KLB: variants seen among roughly 807,000 people sequenced by gnomAD.
KLB encodes the protein beta-klotho.
KLB carries 44 observed loss-of-function variants against 88.4 expected under a neutral mutation model. That is an observed-to-expected ratio of 0.50 (90% confidence interval 0.39 to 0.64). KLB has a LOEUF of 0.64. Ranked by LOEUF, KLB falls within the 30% of genes least tolerant of loss-of-function variation. KLB has a pLI of 0.00. For missense variants in KLB, 1,137 were observed against 1,304.8 expected (o/e 0.87, Z 1.98); for synonymous variants, 548 against 513.4 (o/e 1.07, Z -0.91).
intron 3 of KLB, among the ~76,000 whole-genome samples, chr4:39,442,177 G>A (rs1396069998): frequency 6.6e-6 from 1 of 152,092 alleles, no homozygotes; most frequent in East Asian, 1.9e-4. Context: ...CCGGGAGGAA[G>A]GTTGCAGTGA....
chr4:39,447,993 T>C (rs1323544538), intron 4 of KLB, among the ~76,000 whole-genome samples: 1 of 152,216 alleles, frequency 6.6e-6, no homozygotes, highest in East Asian at 1.9e-4. Context: ...GTTTTTCTGC[T>C]TGTGACCCTT....
intron 1 of KLB, among the ~76,000 whole-genome samples, chr4:39,416,412 CT>C (rs1253991314): frequency 6.6e-6 from 1 of 151,996 alleles, no homozygotes; most frequent in Non-Finnish European, 1.5e-5. Flanking sequence ...CTAAAAAAAA[CT>C]TTTTTTAAAT....
intron 1 of KLB, 103 bp from the exon 2 acceptor site, chr4:39,434,107 C>A: frequency 9.0e-7 from 1 of 1,110,422 alleles, no homozygotes; most frequent in Non-Finnish European, 1.3e-6. Flanking sequence ...CCCTGAATCA[C>A]TGTACGCTGC....
chr4:39,432,765 C>T (rs2109834393), intron 1 of KLB, among the ~76,000 whole-genome samples: 1 of 152,244 alleles, frequency 6.6e-6, no homozygotes, highest in Non-Finnish European at 1.5e-5. Flanking sequence ...ATGCAAACTC[C>T]AGGAGGACCA....
Position 39,407,750 on chromosome 4 carries a change from C to T in KLB, c.801C>T (p.Tyr267=). 1 of 1,595,526 alleles carries T rather than the reference C, an allele frequency of 6.3e-7. No individual in the cohort carries two copies. Among genetic ancestry groups the T allele is most frequent in the Non-Finnish European group, 8.6e-7 (1 of 1,165,916 alleles). Residue 267 remains tyrosine, a synonymous_variant, in exon 1 of 5, where the codon TAC becomes TAT. Coordinates refer to ENST00000257408, the MANE Select transcript of KLB (RefSeq NM_175737.4). The part of the protein sequence containing the change: ...PGEKGNLAAV[Y]TVGHNLIKAH... ...AGAAGGGAAATTTAGCAGCTGTCTA[C>T]ACTGTGGGACACAACTTGATCAAGG...
In KLB at chr4:39,434,506, T is replaced by G; in HGVS notation, c.1122T>G (p.Phe374Leu). 6.2e-7 allele frequency: 1 copy of G among 1,614,194 alleles called. No individual in the cohort carries two copies. The highest frequency in any genetic ancestry group is 8.5e-7 in the Non-Finnish European group (1 of 1,180,020). Residue 374 changes from phenylalanine (F) to leucine (L), a missense_variant, in exon 2 of 5, where the codon TTT (phenylalanine) becomes TTG (leucine). This residue lies in a region of KLB where 597 missense variants were observed against 765.2 expected (regional missense o/e 0.78). Transcript: ENST00000257408. ...CAGCTGATTTCTTTGCCTTTTCTTT[T>G]GGACCCAACAACTTCAAGCCCCTAA... is the stretch of plus-strand genomic sequence containing the variant. ...RGTADFFAFS[F>L]GPNNFKPLNT...
chr4:39,444,212 CA>C (rs1743684701), intron 3 of KLB, among the ~76,000 whole-genome samples: 1 of 152,168 alleles, frequency 6.6e-6, no homozygotes, highest in Admixed American at 6.5e-5. Flanking sequence ...TTGCCTTAAT[CA>C]TTACTTTGTA....
At chr4:39,441,428 A>G (rs1743593903) in intron 3 of KLB, among the ~76,000 whole-genome samples, 1 of 152,184 alleles carries the variant, frequency 6.6e-6, no homozygotes, top group South Asian at 2.1e-4. Context: ...AGGAGATATA[A>G]GAGTTTCTTT....
At position 39,451,425 on chromosome 4, in the gene KLB, T is replaced by A. The variant is rs1352255914; in HGVS notation, c.*2739T>A. Reference sequence around the variant, plus strand: ...ACAACCTGGAGAATCACAACTATATTTAAAGAGCCTCTGGAAAATGAGGCC... The same window carrying A: ...ACAACCTGGAGAATCACAACTATATATAAAGAGCCTCTGGAAAATGAGGCC... On this transcript the variant is annotated 3_prime_UTR_variant, in exon 5 of 5. Transcript: ENST00000257408. 1 of 152,214 alleles carries A rather than the reference T, an allele frequency of 6.6e-6. No individual in the cohort carries two copies. Among genetic ancestry groups the A allele is most frequent in the African/African-American group, 2.4e-5 (1 of 41,456 alleles). The allele number at this position is 152,214 out of a possible 1,614,324, so 9.4% of individuals were successfully genotyped here.
Position 39,448,359 on chromosome 4 carries a change from G to A in KLB, c.2808G>A (p.Glu936=). The change falls in exon 5 of 5, where the codon GAG becomes GAA. Residue 936 remains glutamate (E), a synonymous_variant. Coordinates refer to ENST00000257408, the MANE Select transcript of KLB (RefSeq NM_175737.4). ...KGYYAFKLAE[E]KSKPRFGFFT... ...ATTATGCATTCAAACTGGCTGAAGA[G>A]AAATCTAAACCCAGATTTGGATTCT... The A allele has an allele frequency of 6.2e-7, 1 of 1,612,958 alleles. No individual in the cohort carries two copies. The highest frequency in any genetic ancestry group is 8.5e-7 in the Non-Finnish European group (1 of 1,178,934).
At chr4:39,441,853 A>G (rs1743605189) in intron 3 of KLB, 1 of 152,142 alleles carries the variant, frequency 6.6e-6, no homozygotes, top group Admixed American at 6.5e-5. Context: ...TTTTTGAAAA[A>G]TCAGCCAATA....
chr4:39,434,424 A>G lies in KLB; in HGVS notation c.1040A>G (p.Lys347Arg). The G allele has an allele frequency of 1.9e-6, 3 of 1,614,198 alleles. No individual in the cohort carries two copies. Among genetic ancestry groups the G allele is most frequent in the Non-Finnish European group, 2.5e-6 (3 of 1,180,028 alleles). Residue 347 changes from lysine to arginine, a missense_variant, in exon 2 of 5, where the codon AAG (lysine) becomes AGG (arginine). Transcript: ENST00000257408. ...GACTATCCAGAGGGGATGAGAAAGAAGTTGTTCTCCGTTCTACCCATTTTC... is the reference window on the plus strand; with the variant it reads ...GACTATCCAGAGGGGATGAGAAAGAGGTTGTTCTCCGTTCTACCCATTTTC... ...DGDYPEGMRK[K>R]LFSVLPIFSE...
intron 1 of KLB, among the ~76,000 whole-genome samples, chr4:39,433,336 G>A (rs926227963): frequency 2.0e-5 from 3 of 152,168 alleles, no homozygotes; most frequent in African/African-American, 7.2e-5. Flanking sequence ...CTTCTGCTGT[G>A]GGCAGTGCCG....
chr4:39,407,209 G>A lies in KLB; in HGVS notation c.260G>A (p.Trp87Ter). Residue 87 changes from tryptophan to a stop codon, truncating the protein, a stop_gained, in exon 1 of 5, where the codon TGG (tryptophan) becomes TAG (stop). Transcript: ENST00000257408. LOFTEE classifies it high-confidence loss of function. ...LYDTFPKNFF[W>*]GIGTGALQVE... ...GACACTTTCCCTAAAAACTTTTTCT[G>A]GGGTATTGGGACTGGAGCATTGCAA... 1 of 1,614,060 alleles carries A rather than the reference G, an allele frequency of 6.2e-7. No homozygotes were observed. The highest frequency in any genetic ancestry group is 8.5e-7 in the Non-Finnish European group (1 of 1,179,984).
chr4:39,433,124 C>T (rs1353830145), intron 1 of KLB, among the ~76,000 whole-genome samples: 1 of 152,154 alleles, frequency 6.6e-6, no homozygotes, highest in African/African-American at 2.4e-5. Context: ...AGGTGATCCG[C>T]CTACCTCGGC....
rs549906074 is a variant in KLB at position 39,420,232 on chromosome 4, C to A, written c.825+12458C>A. ...TGCTTGGTTCTGCTTAATGTCATAT[C>A]TTGACCAGAGATTACATGACCAAAG... On this transcript the variant is annotated intron_variant, in intron 1 of 4. Transcript: ENST00000257408. 2.2e-3 allele frequency among the ~76,000 whole-genome samples: 331 copies of A among 152,150 alleles called. 1 individual carries two copies. The highest frequency in any genetic ancestry group is 7.5e-3 in the African/African-American group (311 of 41,516).
In KLB at chr4:39,446,767, C is replaced by A; in HGVS notation, c.2041C>A (p.Leu681Met). 1 of 1,607,678 alleles carries A rather than the reference C, an allele frequency of 6.2e-7. No homozygotes were observed. Among genetic ancestry groups the A allele is most frequent in the Non-Finnish European group, 8.5e-7 (1 of 1,177,062 alleles). ...QAYAGLCFQE[L>M]GDLVKLWITI... ...CTACGCTGGGCTGTGCTTCCAGGAGCTGGGGGACCTGGTGAAGCTCTGGAT... is the reference window on the plus strand; with the variant it reads ...CTACGCTGGGCTGTGCTTCCAGGAGATGGGGGACCTGGTGAAGCTCTGGAT... The change falls in exon 4 of 5, where the codon CTG (leucine) becomes ATG (methionine). Residue 681 changes from leucine (L) to methionine (M), a missense_variant. By Grantham distance (15) the Leu-to-Met change is conservative (BLOSUM62 2). Coordinates refer to ENST00000257408, the MANE Select transcript of KLB (RefSeq NM_175737.4). This position sits in a 1 kb window ranked among gnomAD's most constrained non-coding sequence, Gnocchi z 6.4.
chr4:39,442,359 A>G (rs1743618306), intron 3 of KLB, among the ~76,000 whole-genome samples: 1 of 152,200 alleles, frequency 6.6e-6, no homozygotes, highest in Admixed American at 6.6e-5. Flanking sequence ...CATACAATAG[A>G]AATGCATATT....
intron 1 of KLB, among the ~76,000 whole-genome samples, chr4:39,420,100 G>T (rs1239670478): frequency 6.6e-6 from 1 of 152,064 alleles, no homozygotes; most frequent in Non-Finnish European, 1.5e-5. Flanking sequence ...AATCACAGAA[G>T]TAATTAAAGT....
Sources: allele counts gnomAD v4.1 joint callset (sites outside exome capture counted in the v4.1 genomes callset), GRCh38; gene constraint gnomAD v4.1.1; regional missense constraint gnomAD v4.1.1; non-coding constraint Gnocchi (gnomAD v3.1); transcripts MANE v1.5; gene names NCBI Gene and HGNC (gene_info 2026-07-23, HGNC 2026-07-21).